ADK: variants seen among roughly 807,000 people sequenced by gnomAD.
ADK encodes N6,N6-dimethyladenosine kinase.
Under a neutral mutation model 44.7 loss-of-function variants are expected in ADK, and 24 were observed. That is an observed-to-expected ratio of 0.54 (90% CI 0.39 to 0.76). The LOEUF (loss-of-function observed/expected upper bound fraction) is 0.76, where lower values mean the gene tolerates loss of function less well. Among genes scored for constraint, ADK ranks in the 30% least tolerant of loss-of-function variants. The pLI is 0.00. For synonymous variants in ADK, 128 were observed against 142.6 expected, an observed-to-expected ratio of 0.90 and a Z score of 0.73; for missense variants, 321 against 425.1, an observed-to-expected ratio of 0.76 and a Z score of 2.15.
intron 1 of ADK, among the ~76,000 whole-genome samples, chr10:74,174,801 A>T (rs954502295): frequency 2.0e-5 from 3 of 152,252 alleles, no homozygotes; most frequent in African/African-American, 7.2e-5. Context: ...GACTGAACAC[A>T]TCAGTTTTAT....
intron 4 of ADK, among the ~76,000 whole-genome samples, chr10:74,333,778 A>G (rs1263824267): frequency 6.6e-6 from 1 of 152,194 alleles, no homozygotes; most frequent in African/African-American, 2.4e-5. Context: ...GTATTGAAGC[A>G]TATCTGAAAG....
rs746933712 is a variant in ADK, at chr10:74,394,301, C to G, written c.434C>G (p.Thr145Ser). 18 of 1,613,762 alleles carry G rather than the reference C, an allele frequency of 1.1e-5. No individual in the cohort carries two copies. The highest frequency in any genetic ancestry group is 1.5e-5 in the Non-Finnish European group (18 of 1,179,930). Residue 145 changes from threonine (T) to serine (S), a missense_variant, in exon 5 of 11, where the codon ACT becomes AGT. By Grantham distance (58) the Thr-to-Ser change is moderately conservative. Coordinates refer to ENST00000539909, the MANE Select transcript of ADK (RefSeq NM_006721.4). Reference sequence around the variant, plus strand: ...ACAGGAACTTGTGCTGCATGCATCACTGGTGACAACAGGTCAGTGTAATTC... The same window carrying G: ...ACAGGAACTTGTGCTGCATGCATCAGTGGTGACAACAGGTCAGTGTAATTC... Reference protein sequence around the residue: ...QPTGTCAACITGDNRSLIANL... With the variant: ...QPTGTCAACISGDNRSLIANL...
At chr10:74,221,630 G>T (rs1054369713) in intron 2 of ADK, among the ~76,000 whole-genome samples, 18 of 146,652 alleles carry the variant, frequency 1.2e-4, no homozygotes, top group Non-Finnish European at 2.4e-4. Flanking sequence ...ATACTACAAG[G>T]CTACAGTAAC....
intron 3 of ADK, among the ~76,000 whole-genome samples, chr10:74,296,173 T>C (rs1019170002): frequency 1.3e-5 from 2 of 151,686 alleles, no homozygotes; most frequent in African/African-American, 4.8e-5. Context: ...TACAGGACCA[T>C]ATAAAAAATT....
At chr10:74,291,372 G>A (rs1362509386) in intron 3 of ADK, among the ~76,000 whole-genome samples, 3 of 152,074 alleles carry the variant, frequency 2.0e-5, no homozygotes, top group Non-Finnish European at 2.9e-5. Context: ...AGCTGAGACC[G>A]CACCATTGCA....
chr10:74,583,908 C>G (rs73276223), intron 7 of ADK, among the ~76,000 whole-genome samples: 6,557 of 152,156 alleles, frequency 0.043, 436 homozygotes, highest in African/African-American at 0.14. Context: ...CCGGTCACAG[C>G]CCTCAGATCC....
intron 9 of ADK, among the ~76,000 whole-genome samples, chr10:74,619,497 C>A (rs1318378729): frequency 1.3e-5 from 2 of 151,854 alleles, no homozygotes; most frequent in African/African-American, 4.8e-5. Context: ...TCAATAGTCC[C>A]TTTTTTATTT....
chr10:74,365,471 G>T (rs887722316), intron 4 of ADK, among the ~76,000 whole-genome samples: 1 of 152,068 alleles, frequency 6.6e-6, no homozygotes, highest in African/African-American at 2.4e-5. Context: ...TTTTTTGATT[G>T]AATAATGTTC....
chr10:74,249,690 A>G (rs1160637242), intron 3 of ADK, among the ~76,000 whole-genome samples: 1 of 152,210 alleles, frequency 6.6e-6, no homozygotes, highest in East Asian at 1.9e-4. Context: ...GTGGCATCGT[A>G]GAATCTTGCT....
chr10:74,427,121 T>C (rs973585164), intron 6 of ADK, among the ~76,000 whole-genome samples: 2 of 152,192 alleles, frequency 1.3e-5, no homozygotes. Flanking sequence ...TTCAACTATA[T>C]GTCCTTAGCT....
intron 8 of ADK, among the ~76,000 whole-genome samples, chr10:74,592,135 C>T (rs1851746194): frequency 6.6e-6 from 1 of 152,032 alleles, no homozygotes. Context: ...CTGGGCAGAA[C>T]ACAAAGCATA....
At chr10:74,466,426 T>C (rs1169983670) in intron 6 of ADK, among the ~76,000 whole-genome samples, 1 of 152,222 alleles carries the variant, frequency 6.6e-6, no homozygotes, top group African/African-American at 2.4e-5. Flanking sequence ...TTACCTATCC[T>C]ACCTCTTGAA....
chr10:74,628,012 G>C (rs901707103), intron 9 of ADK, among the ~76,000 whole-genome samples: 4 of 152,152 alleles, frequency 2.6e-5, no homozygotes, highest in Non-Finnish European at 5.9e-5. Context: ...TTGAGCATAC[G>C]AGGTGGATCA....
chr10:74,263,439 T>A (rs535804528), intron 3 of ADK, among the ~76,000 whole-genome samples: 56 of 152,314 alleles, frequency 3.7e-4, no homozygotes, highest in African/African-American at 1.3e-3. Flanking sequence ...ATTTTCTTAC[T>A]TTTAGTTTTT....
chr10:74,364,493 C>A (rs1026077565), intron 4 of ADK, among the ~76,000 whole-genome samples: 1 of 152,184 alleles, frequency 6.6e-6, no homozygotes, highest in African/African-American at 2.4e-5. Context: ...TGACTTATCT[C>A]TGGCATTTAT....
intron 8 of ADK, among the ~76,000 whole-genome samples, chr10:74,597,404 A>G (rs779517470): frequency 9.1e-4 from 138 of 152,174 alleles, no homozygotes; most frequent in Non-Finnish European, 1.7e-3. Flanking sequence ...TAACTGAACT[A>G]TATACAGGCT....
chr10:74,165,806 C>T (rs1307127659), intron 1 of ADK, among the ~76,000 whole-genome samples: 1 of 152,190 alleles, frequency 6.6e-6, no homozygotes, highest in Non-Finnish European at 1.5e-5. Context: ...CTTGTCTAGA[C>T]TTGTGTCTCT....
intron 10 of ADK, among the ~76,000 whole-genome samples, chr10:74,682,273 A>G (rs544351582): frequency 2.0e-5 from 3 of 152,336 alleles, no homozygotes; most frequent in East Asian, 1.9e-4. Context: ...TTCAAATACA[A>G]TGTCCCATAC....
At chr10:74,639,556 G>A (rs1008057499) in intron 9 of ADK, among the ~76,000 whole-genome samples, 1 of 152,194 alleles carries the variant, frequency 6.6e-6, no homozygotes, top group Non-Finnish European at 1.5e-5. Context: ...AGCAAGAGAG[G>A]CTGGGCACAG....
Sources: allele counts gnomAD v4.1 joint callset (sites outside exome capture counted in the v4.1 genomes callset), GRCh38; gene constraint gnomAD v4.1.1; transcripts MANE v1.5; gene names NCBI Gene and HGNC (gene_info 2026-07-23, HGNC 2026-07-21).